Variants in MLXIP observed in about 807,000 individuals in gnomAD.
The protein encoded by MLXIP is MLX-interacting protein.
A neutral mutation model predicts 87.2 loss-of-function variants in MLXIP; 30 were observed. The ratio of observed to expected loss-of-function variants is 0.34; its 90% confidence interval spans 0.26 to 0.47. The LOEUF is 0.47. MLXIP is among the 20% of genes least tolerant of loss of function. The pLI is 1.00. For missense variants in MLXIP, 1,002 were observed against 1,240.1 expected, an observed-to-expected ratio of 0.81 and a Z score of 2.88; for synonymous variants, 530 against 514.0, an observed-to-expected ratio of 1.03 and a Z score of -0.42.
chr12:122,096,773 G>T (rs948650486), intron 1 of MLXIP, among the ~76,000 whole-genome samples: 3 of 152,152 alleles, frequency 2.0e-5, no homozygotes, highest in Non-Finnish European at 4.4e-5. Flanking sequence ...GGCTGTGACC[G>T]CGGTGTCCCC....
rs920571204 is a variant in MLXIP at position 122,078,772 on chromosome 12, G to C, written c.-82G>C. ...CTCGCGGACAGTCGGCGCGCGGGCC[G>C]GGCCGGGCCGGCGCCCCTCTGCCTC... On this transcript the variant is annotated 5_prime_UTR_variant, in exon 1 of 17. Transcript: ENST00000319080. 1.2e-5 allele frequency: 12 copies of C among 1,012,078 alleles called. No individual in the cohort carries two copies. Among genetic ancestry groups the C allele is most frequent in the East Asian group, 9.6e-5 (1 of 10,370 alleles). 62.7% of individuals were successfully genotyped at this position (1,012,078 alleles called of 1,614,324 possible).
Position 122,133,529 on chromosome 12 carries a change from C to T in MLXIP, c.1274C>T (p.Pro425Leu), listed in dbSNP as rs779393801. 15 of 1,609,912 alleles carry T rather than the reference C, an allele frequency of 9.3e-6. No homozygotes were observed. In the African/African-American group the frequency reaches 9.4e-5, roughly 10 times the overall value. ...FGPSEPPLSV[P>L]QPFLPVFTMP... The stretch of plus-strand genomic sequence containing the variant: ...CCCTCAGAGCCGCCACTGAGTGTCC[C>T]GCAGCCCTTCCTCCCTGTCTTCACC... Residue 425 changes from proline (P) to leucine (L), a missense_variant, in exon 9 of 17, where the codon CCG becomes CTG. This residue lies in a region of MLXIP where 746 missense variants were observed against 897.0 expected (regional missense o/e 0.83). Transcript: ENST00000319080. This position sits in a 1 kb window ranked among gnomAD's most constrained non-coding sequence, Gnocchi z 4.9.
chr12:122,110,994 G>T (rs1019039400), intron 1 of MLXIP, among the ~76,000 whole-genome samples: 5 of 149,210 alleles, frequency 3.4e-5, no homozygotes, highest in Non-Finnish European at 7.4e-5. Context: ...GGAGAATGGC[G>T]TGAACCCAGG....
At chr12:122,138,350 T>C in intron 13 of MLXIP, 55 bp downstream of exon 13, 1 of 1,610,194 alleles carries the variant, frequency 6.2e-7, no homozygotes, top group Non-Finnish European at 8.5e-7. Flanking sequence ...CAGGACGTGC[T>C]CCCTGCGTGG....
At chr12:122,122,267 G>A (rs925155993) in intron 1 of MLXIP, among the ~76,000 whole-genome samples, 3 of 152,206 alleles carry the variant, frequency 2.0e-5, no homozygotes, top group Non-Finnish European at 4.4e-5. Context: ...AGTTAGGGGA[G>A]CAGAAGTCCC....
chr12:122,097,170 G>T (rs1952365931), intron 1 of MLXIP, among the ~76,000 whole-genome samples: 1 of 152,054 alleles, frequency 6.6e-6, no homozygotes, highest in African/African-American at 2.4e-5. Context: ...TTGGTTATGG[G>T]TGTTTTTTTT....
rs534281993 is a variant in MLXIP, at chr12:122,137,563, C to T, written c.2127C>T (p.Ser709=). The change falls in exon 12 of 17, where the codon TCC becomes TCT. Residue 709 remains serine (S), a synonymous_variant. Coordinates refer to ENST00000319080, the MANE Select transcript of MLXIP (RefSeq NM_014938.6). This position sits in a 1 kb window ranked among gnomAD's most constrained non-coding sequence, Gnocchi z 4.1. ...QSPQNNCSGK[S]DPKNVAALKN... Reference sequence around the variant, plus strand: ...CCCAGAACAACTGCTCAGGGAAATCCGACCCCAAAAATGTGGCTGCACTAA... The same window carrying T: ...CCCAGAACAACTGCTCAGGGAAATCTGACCCCAAAAATGTGGCTGCACTAA... 21 of 1,613,994 alleles carry T rather than the reference C, an allele frequency of 1.3e-5. No homozygotes were observed. Among genetic ancestry groups the T allele is most frequent in the African/African-American group, 1.2e-4 (9 of 75,066 alleles).
rs546619756 is a variant in MLXIP, at chr12:122,122,653, G to A, written c.414-4603G>A. ...GCCTCCCAGGTTCACGCCATTCTCC[G>A]GCCTCAGCCTCCCAAGTAGCTGGGA... On this transcript the variant is annotated intron_variant, in intron 1 of 16. Coordinates refer to ENST00000319080, the MANE Select transcript of MLXIP (RefSeq NM_014938.6). 3.3e-5 allele frequency among the ~76,000 whole-genome samples: 5 copies of A among 151,510 alleles called. No individual in the cohort carries two copies. In the East Asian group the frequency reaches 9.7e-4, roughly 29 times the overall value.
chr12:122,138,529 G>A lies in MLXIP; in HGVS notation c.2362G>A (p.Glu788Lys), dbSNP rs202216030. Residue 788 changes from glutamate to lysine, a missense_variant, in exon 14 of 17, where the codon GAG becomes AAG. By Grantham distance (56) the Glu-to-Lys change is moderately conservative (BLOSUM62 1). Coordinates refer to ENST00000319080, the MANE Select transcript of MLXIP (RefSeq NM_014938.6). Reference protein sequence around the residue: ...EEARRLREEIEELNATIISCQ... With the variant: ...EEARRLREEIKELNATIISCQ... Reference sequence around the variant, plus strand: ...GGCCCGGCGGCTGCGGGAGGAGATCGAGGAGCTCAATGCCACCATCATGTG... The same window carrying A: ...GGCCCGGCGGCTGCGGGAGGAGATCAAGGAGCTCAATGCCACCATCATGTG... 7.4e-5 allele frequency: 120 copies of A among 1,612,836 alleles called. No individual in the cohort carries two copies. Among genetic ancestry groups the A allele is most frequent in the Non-Finnish European group, 9.6e-5 (113 of 1,179,544 alleles).
intron 11 of MLXIP, chr12:122,136,967 G>A (rs1345309314): frequency 2.0e-5 from 3 of 152,262 alleles, no homozygotes; most frequent in Admixed American, 6.6e-5. Flanking sequence ...AGGAAGCGGA[G>A]GCATTTGTTA....
In MLXIP at chr12:122,135,363, C is replaced by A; in HGVS notation, c.1854+18C>A. On this transcript the variant is annotated intron_variant, in intron 10 of 16. Coordinates refer to ENST00000319080, the MANE Select transcript of MLXIP (RefSeq NM_014938.6). This position sits in a 1 kb window ranked among gnomAD's most constrained non-coding sequence, Gnocchi z 5.3. ...TCGCCAGGGTGAGGAGGGCCCTAGG[C>A]AGACCTGCAGTGTCCTTCTCACCCC... is the stretch of plus-strand genomic sequence containing the variant. 1 of 1,607,884 alleles carries A rather than the reference C, an allele frequency of 6.2e-7. No individual in the cohort carries two copies. Among genetic ancestry groups the A allele is most frequent in the Non-Finnish European group, 8.5e-7 (1 of 1,176,504 alleles).
chr12:122,125,590 T>C (rs750147753), intron 1 of MLXIP, among the ~76,000 whole-genome samples: 5 of 152,200 alleles, frequency 3.3e-5, no homozygotes, highest in Non-Finnish European at 7.3e-5. Flanking sequence ...GCAGTGGCTG[T>C]CTGATTCCGT....
rs866369969 is a variant in MLXIP, at chr12:122,132,499, C to T, written c.1092+116C>T. The T allele has an allele frequency of 3.8e-6, 3 of 793,376 alleles. No homozygotes were observed. In the Admixed American group the frequency reaches 6.5e-5, roughly 17 times the overall value. 49.1% of individuals were successfully genotyped at this position (793,376 alleles called of 1,614,324 possible). ...TAGCCACACAGTCACCAGCAAAGCG[C>T]CAAGCAGTGCTAGACCAGCACTAAT... On this transcript the variant is annotated intron_variant, in intron 8 of 16. Transcript: ENST00000319080.
At chr12:122,128,141 C>G (rs1172471773) in intron 3 of MLXIP, 173 bp downstream of exon 3, 14 of 600,034 alleles carry the variant, frequency 2.3e-5, no homozygotes, top group Non-Finnish European at 3.9e-5. Flanking sequence ...TCTGGCAACC[C>G]CAGGCTGCAG....
rs1953319566 is a variant in MLXIP at position 122,147,234 on chromosome 12, T to A, written c.*5422T>A. On this transcript the variant is annotated 3_prime_UTR_variant, in exon 17 of 17. Transcript: ENST00000319080. Reference sequence around the variant, plus strand: ...CGTCACCCTGAGTACACCCCTCTGATTGCTCTGCTGTCAAGAAGCACGTTT... The same window carrying A: ...CGTCACCCTGAGTACACCCCTCTGAATGCTCTGCTGTCAAGAAGCACGTTT... The A allele has an allele frequency of 6.6e-6, 1 of 152,206 alleles. No individual in the cohort carries two copies. Among genetic ancestry groups the A allele is most frequent in the Admixed American group, 6.5e-5 (1 of 15,278 alleles). 9.4% of individuals were successfully genotyped at this position (152,206 alleles called of 1,614,324 possible). A position where few individuals can be genotyped will look rare whatever the true frequency, so the allele number is the denominator to read the frequency against.
intron 1 of MLXIP, among the ~76,000 whole-genome samples, chr12:122,081,913 C>G (rs1052822591): frequency 2.0e-5 from 3 of 152,204 alleles, no homozygotes; most frequent in Non-Finnish European, 1.5e-5. Flanking sequence ...TCTAACTCTC[C>G]GTGGTACACT....
intron 1 of MLXIP, among the ~76,000 whole-genome samples, chr12:122,080,505 C>T (rs148402974): frequency 0.012 from 1,877 of 152,306 alleles, 37 homozygotes; most frequent in East Asian, 0.039. Flanking sequence ...TGGCACCCCC[C>T]TCACCGCCGC....
At chr12:122,140,886 A>T (rs1281099602) in intron 15 of MLXIP, 68 bp from the exon 16 acceptor site, 2 of 1,613,436 alleles carry the variant, frequency 1.2e-6, no homozygotes, top group Admixed American at 3.3e-5. Flanking sequence ...ACGCCAGTCC[A>T]ACCACCTTCG....
rs1428151203 is a variant in MLXIP, at chr12:122,142,022, C to T, written c.*210C>T. 2 of 707,676 alleles carry T rather than the reference C, an allele frequency of 2.8e-6. No homozygotes were observed. The highest frequency in any genetic ancestry group is 4.8e-5 in the Admixed American group (2 of 41,622). 43.8% of individuals were successfully genotyped at this position (707,676 alleles called of 1,614,324 possible). On this transcript the variant is annotated 3_prime_UTR_variant, in exon 17 of 17. Coordinates refer to ENST00000319080, the MANE Select transcript of MLXIP (RefSeq NM_014938.6). ...ATAGCCCGCCTTTGGGAACCCCTTGCTGTGAACTCTCTCACTCAGTGACCT... is the reference window on the plus strand; with the variant it reads ...ATAGCCCGCCTTTGGGAACCCCTTGTTGTGAACTCTCTCACTCAGTGACCT...
Sources: allele counts gnomAD v4.1 joint callset (sites outside exome capture counted in the v4.1 genomes callset), GRCh38; gene constraint gnomAD v4.1.1; regional missense constraint gnomAD v4.1.1; non-coding constraint Gnocchi (gnomAD v3.1); transcripts MANE v1.5; gene names NCBI Gene and HGNC (gene_info 2026-07-23, HGNC 2026-07-21).